The following ATP2B3 variants were observed in gnomAD, a reference collection of about 807,000 sequenced individuals.
The protein encoded by ATP2B3 is ATPase plasma membrane Ca2+ transporting 3, also known as plasma membrane calcium-transporting ATPase 3.
In ATP2B3, 12 loss-of-function variants were observed where a neutral mutation model predicts 70.8. That is an observed-to-expected ratio of 0.17 (90% CI 0.11 to 0.27). The LOEUF (loss-of-function observed/expected upper bound fraction) is 0.27, where lower values mean the gene tolerates loss of function less well. Ranked by LOEUF, ATP2B3 falls within the 10% of genes least tolerant of loss-of-function variation. The probability of loss-of-function intolerance (pLI) is 1.00; values close to 1 mark genes in which losing one functional copy is unlikely to be tolerated. For missense variants in ATP2B3, 858 were observed against 1,118.5 expected, an observed-to-expected ratio of 0.77 and a Z score of 3.32; for synonymous variants, 460 against 497.8, an observed-to-expected ratio of 0.92 and a Z score of 1.01.
rs1044609460 is a variant in ATP2B3 at position 153,582,407 on chromosome X, T to G, written c.*2109T>G. On this transcript the variant is annotated 3_prime_UTR_variant, in exon 22 of 22. Coordinates refer to ENST00000263519, the MANE Select transcript of ATP2B3 (RefSeq NM_001001344.3). ...CAACTCCATTTGTTGAGGGTCTTTG[T>G]GTTCTTCAATGAGAAATCAAATTTG... The G allele has an allele frequency of 1.8e-5, 2 of 112,834 alleles. No individual in the cohort carries two copies. Among genetic ancestry groups the G allele is most frequent in the Non-Finnish European group, 3.7e-5 (2 of 53,346 alleles). The allele number at this position is 112,834 out of a possible 1,213,427, so 9.3% of individuals were successfully genotyped here. A position where few individuals can be genotyped will look rare whatever the true frequency, so the allele number is the denominator to read the frequency against.
Position 153,545,334 on chromosome X carries a change from G to A in ATP2B3, c.917-754G>A, listed in dbSNP as rs182839389. 4.1e-3 allele frequency among the ~76,000 whole-genome samples: 466 copies of A among 113,048 alleles called. 3 individuals carry two copies. The highest frequency in any genetic ancestry group is 6.5e-3 in the Non-Finnish European group (348 of 53,327). The stretch of plus-strand genomic sequence containing the variant: ...CCCTGGGTTGACCAATGACCTGAAA[G>A]CGCCCCGCAGAGTCCTAGCGTCTCA... On this transcript the variant is annotated intron_variant, in intron 7 of 21. Transcript: ENST00000263519.
intron 21 of ATP2B3, chrX:153,569,851 C>A: frequency 4.0e-6 from 4 of 1,003,401 alleles, no homozygotes; most frequent in Non-Finnish European, 5.5e-6. Context: ...GTCTTGCATT[C>A]CGCTCACCGT....
chrX:153,521,408 G>A (rs1006786882), intron 2 of ATP2B3, among the ~76,000 whole-genome samples: 8 of 112,854 alleles, frequency 7.1e-5, no homozygotes, highest in African/African-American at 2.6e-4. Flanking sequence ...CCAAGGTTGG[G>A]AAGGAGACAA....
At chrX:153,538,146 C>T (rs1219260279) in intron 3 of ATP2B3, among the ~76,000 whole-genome samples, 2 of 112,926 alleles carry the variant, frequency 1.8e-5, no homozygotes, top group Admixed American at 9.3e-5. Context: ...GCGGGTGACT[C>T]GCTCCCCGCA....
intron 21 of ATP2B3, among the ~76,000 whole-genome samples, chrX:153,571,350 G>A (rs141326328): frequency 5.3e-5 from 6 of 112,345 alleles, no homozygotes; most frequent in African/African-American, 1.3e-4. Flanking sequence ...GACTTCCTCC[G>A]TATGTCTCTT....
intron 18 of ATP2B3, 95 bp from the exon 19 acceptor site, chrX:153,560,581 G>A: frequency 2.1e-6 from 2 of 971,559 alleles, no homozygotes; most frequent in Non-Finnish European, 2.8e-6. Flanking sequence ...TGGGACAAGG[G>A]ACCCATCTCG....
In ATP2B3 at chrX:153,553,135, G is replaced by T. The variant is rs782404794; in HGVS notation, c.1924G>T (p.Gly642Cys). 8.3e-7 allele frequency: 1 copy of T among 1,210,751 alleles called. No individual in the cohort carries two copies. The highest frequency in any genetic ancestry group is 1.8e-5 in the South Asian group (1 of 56,967). Residue 642 changes from glycine (G) to cysteine (C), a missense_variant, in exon 13 of 22, where the codon GGC (glycine) becomes TGC (cysteine). Physicochemically the swap from Gly to Cys is radical, Grantham distance 159. Transcript: ENST00000263519. ...RKIIEPMACD[G>C]LRTICIAYRD... ...GATCATCGAGCCGATGGCTTGCGAT[G>T]GCCTCCGCACCATCTGCATCGCCTA...
chrX:153,548,107 C>A, intron 9 of ATP2B3, 108 bp downstream of exon 9: 1 of 1,019,318 alleles, frequency 9.8e-7, no homozygotes, highest in East Asian at 3.3e-5. Flanking sequence ...AGGGATGTGG[C>A]AGGTGATGTG....
At chrX:153,539,159 T>C (rs2090239948) in intron 3 of ATP2B3, among the ~76,000 whole-genome samples, 1 of 112,383 alleles carries the variant, frequency 8.9e-6, no homozygotes, top group South Asian at 3.7e-4. Context: ...GCTTAGCTCC[T>C]GTAATTCCAG....
chrX:153,580,020 C>T lies in ATP2B3; in HGVS notation c.3385C>T (p.Leu1129=). The T allele has an allele frequency of 8.3e-7, 1 of 1,211,517 alleles. No homozygotes were observed. Among genetic ancestry groups the T allele is most frequent in the Non-Finnish European group, 1.1e-6 (1 of 895,117 alleles). ...GTTCCGTAGCTCGCTCTATGAAGGCCTGGAGAAACCAGAATCCAAGACCTC... is the reference window on the plus strand; with the variant it reads ...GTTCCGTAGCTCGCTCTATGAAGGCTTGGAGAAACCAGAATCCAAGACCTC... ...KAFRSSLYEG[L]EKPESKTSIH... Residue 1129 remains leucine (L), a synonymous_variant, in exon 22 of 22, where the codon CTG becomes TTG. Coordinates refer to ENST00000263519, the MANE Select transcript of ATP2B3 (RefSeq NM_001001344.3).
At chrX:153,545,354 G>A (rs1222433382) in intron 7 of ATP2B3, among the ~76,000 whole-genome samples, 2 of 112,991 alleles carry the variant, frequency 1.8e-5, no homozygotes, top group Non-Finnish European at 3.7e-5. Context: ...GAGTCCTAGC[G>A]TCTCATTCCT....
chrX:153,565,452 G>T (rs931255992), intron 21 of ATP2B3, among the ~76,000 whole-genome samples: 1 of 112,948 alleles, frequency 8.9e-6, no homozygotes, highest in African/African-American at 3.2e-5. Flanking sequence ...ACGGCCCCAG[G>T]TCATAGGCAA....
chrX:153,540,714 G>T, intron 3 of ATP2B3, among the ~76,000 whole-genome samples: 1 of 112,423 alleles, frequency 8.9e-6, no homozygotes, highest in Non-Finnish European at 1.9e-5. Context: ...GAGCTGGGGA[G>T]GGGGGTGTTG....
rs1200429949 is a variant in ATP2B3 at position 153,571,012 on chromosome X, A to G, written c.3342+5909A>G. Among the ~76,000 whole-genome samples the G allele has an allele frequency of 8.0e-3, 851 of 106,590 alleles. 5 individuals carry two copies. Among genetic ancestry groups the G allele is most frequent in the African/African-American group, 0.025 (719 of 29,313 alleles). The allele number at this position is 106,590 out of a possible 115,157, so 92.6% of individuals were successfully genotyped here. A position where few individuals can be genotyped will look rare whatever the true frequency, so the allele number is the denominator to read the frequency against. ...AGAGCACGTGCGCGCGTACACACAC[A>G]CACACACACACACACACACACACAC... On this transcript the variant is annotated intron_variant, in intron 21 of 21. Coordinates refer to ENST00000263519, the MANE Select transcript of ATP2B3 (RefSeq NM_001001344.3).
chrX:153,546,912 A>G (rs1380272079), intron 8 of ATP2B3, among the ~76,000 whole-genome samples: 1 of 111,906 alleles, frequency 8.9e-6, no homozygotes, highest in Non-Finnish European at 1.9e-5. Flanking sequence ...ACAAAGCTGG[A>G]GGGGCCCAGC....
At position 153,549,757 on chromosome X, in the gene ATP2B3, C is replaced by T. The variant is rs1203155147; in HGVS notation, c.1581+18C>T. On this transcript the variant is annotated intron_variant, in intron 11 of 21. Coordinates refer to ENST00000263519, the MANE Select transcript of ATP2B3 (RefSeq NM_001001344.3). ...AAATACTAGTGAGCTGGGGCAGGAG[C>T]GGGCGGGCAGGGCCGGGGGCAGGAG... is the stretch of plus-strand genomic sequence containing the variant. 1.7e-6 allele frequency: 2 copies of T among 1,201,773 alleles called. No homozygotes were observed. Among genetic ancestry groups the T allele is most frequent in the Non-Finnish European group, 2.2e-6 (2 of 889,678 alleles).
chrX:153,530,457 G>A (rs1056896552), intron 2 of ATP2B3, among the ~76,000 whole-genome samples: 3 of 112,561 alleles, frequency 2.7e-5, no homozygotes, highest in Non-Finnish European at 3.8e-5. Context: ...AGGCTGAATC[G>A]GGCAACCTCC....
At chrX:153,563,127 T>G (rs4535928) in intron 20 of ATP2B3, among the ~76,000 whole-genome samples, 1 of 95,393 alleles carries the variant, frequency 1.0e-5, no homozygotes, top group Non-Finnish European at 2.0e-5. Context: ...CATAGCATTC[T>G]GGCTTTTCCT....
chrX:153,545,278 C>G (rs185364183), intron 7 of ATP2B3, among the ~76,000 whole-genome samples: 50 of 113,367 alleles, frequency 4.4e-4, no homozygotes, highest in African/African-American at 1.6e-3. Flanking sequence ...TGCTGTGTGC[C>G]GGGGCTCAGG....
Sources: allele counts gnomAD v4.1 joint callset (sites outside exome capture counted in the v4.1 genomes callset), GRCh38; gene constraint gnomAD v4.1.1; transcripts MANE v1.5; gene names NCBI Gene and HGNC (gene_info 2026-07-23, HGNC 2026-07-21).